The following IFI27 variants were observed in gnomAD, a reference collection of about 807,000 sequenced individuals.
IFI27 encodes the protein interferon alpha-inducible protein 27, mitochondrial.
A neutral mutation model predicts 8.9 loss-of-function variants in IFI27; 3 were observed. That is an observed-to-expected ratio of 0.34 (90% CI 0.15 to 0.87). IFI27 has a LOEUF of 0.87. IFI27 is among the 40% of genes least tolerant of loss of function. The probability of loss-of-function intolerance (pLI) is 0.51; values close to 1 mark genes in which losing one functional copy is unlikely to be tolerated. For synonymous variants in IFI27, 66 were observed against 67.3 expected, an observed-to-expected ratio of 0.98 and a Z score of 0.09; for missense variants, 152 against 157.7, an observed-to-expected ratio of 0.96 and a Z score of 0.19.
At chr14:94,112,035 AAAGG>A (rs1887213431) in intron 2 of IFI27, 1 of 574,088 alleles carries the variant, frequency 1.7e-6, no homozygotes, top group Admixed American at 3.0e-5. Flanking sequence ...GCCTAGCCGG[AAAGG>A]GTCTATCTAC....
At chr14:94,114,293 T>C (rs1191003463) in intron 2 of IFI27, 2 of 154,544 alleles carry the variant, frequency 1.3e-5, no homozygotes, top group Non-Finnish European at 2.9e-5. Context: ...GAGCTTTTTC[T>C]GGACTATAGG....
In IFI27 at chr14:94,116,145, G is replaced by T; in HGVS notation, c.283+203G>T. On this transcript the variant is annotated intron_variant, in intron 4 of 4. Transcript: ENST00000621160. This position sits in a 1 kb window ranked among gnomAD's most constrained non-coding sequence, Gnocchi z 4.3. Reference sequence around the variant, plus strand: ...GGAACAGTGCACTCAGGAAGACTCAGCCCGAAGCAGATTTGCTGGGTTACC... The same window carrying T: ...GGAACAGTGCACTCAGGAAGACTCATCCCGAAGCAGATTTGCTGGGTTACC... 1 of 754,746 alleles carries T rather than the reference G, an allele frequency of 1.3e-6. No individual in the cohort carries two copies. Among genetic ancestry groups the T allele is most frequent in the Non-Finnish European group, 2.3e-6 (1 of 433,978 alleles). 46.8% of individuals were successfully genotyped at this position (754,746 alleles called of 1,614,324 possible).
At chr14:94,114,975 C>A in intron 3 of IFI27, 95 bp downstream of exon 3, 1 of 1,156,390 alleles carries the variant, frequency 8.6e-7, no homozygotes, top group Non-Finnish European at 1.3e-6. Context: ...GTTTCCCTCA[C>A]ATGGGTGGTC....
chr14:94,116,312 G>A lies in IFI27; in HGVS notation c.284-130G>A. On this transcript the variant is annotated intron_variant, in intron 4 of 4. Coordinates refer to ENST00000621160, the Ensembl canonical transcript of IFI27. The surrounding 1 kb of genome is among the most constrained non-coding windows in gnomAD (Gnocchi z 4.3). ...CCCCGAGGGTACTGGGAAACAGAGA[G>A]GGGAACTGGGTGGGGTCTGTAAGCC... is the stretch of plus-strand genomic sequence containing the variant. 2.9e-6 allele frequency: 2 copies of A among 688,254 alleles called. No individual in the cohort carries two copies. The highest frequency in any genetic ancestry group is 5.2e-6 in the Non-Finnish European group (2 of 385,448). 42.6% of individuals were successfully genotyped at this position (688,254 alleles called of 1,614,324 possible). A position where few individuals can be genotyped will look rare whatever the true frequency, so the allele number is the denominator to read the frequency against.
chr14:94,115,400 TCTC>T, intron 3 of IFI27: 1 of 541,616 alleles, frequency 1.8e-6, no homozygotes, highest in Non-Finnish European at 3.5e-6. Context: ...TCTTACATAA[TCTC>T]CTGGGCAACA....
At chr14:94,108,377 A>G (rs1887040028), upstream of IFI27, among the ~76,000 whole-genome samples, 1 of 152,092 alleles carries the variant, frequency 6.6e-6, no homozygotes, top group Admixed American at 6.5e-5. Flanking sequence ...TTGCATTACT[A>G]TTTACTATTG....
upstream of IFI27, among the ~76,000 whole-genome samples, chr14:94,109,679 G>A (rs1025399012): frequency 7.2e-5 from 11 of 152,186 alleles, no homozygotes; most frequent in African/African-American, 2.7e-4. Context: ...CATTTCTTGT[G>A]ATAGTTCCTG....
rs1426887092 is a variant in IFI27 at position 94,111,878 on chromosome 14, G to A, written c.91+105G>A. The A allele has an allele frequency of 3.4e-6, 3 of 885,202 alleles. No individual in the cohort carries two copies. Among genetic ancestry groups the A allele is most frequent in the Non-Finnish European group, 5.7e-6 (3 of 530,330 alleles). 54.8% of individuals were successfully genotyped at this position (885,202 alleles called of 1,614,324 possible). A position where few individuals can be genotyped will look rare whatever the true frequency, so the allele number is the denominator to read the frequency against. ...GGAGAGAAAATGGGGGACACCCGCA[G>A]CCTTGCTGCCCTGTCCTGTCTTCTC... On this transcript the variant is annotated intron_variant, in intron 2 of 4. Coordinates refer to ENST00000621160, the Ensembl canonical transcript of IFI27. The surrounding 1 kb of genome is among the most constrained non-coding windows in gnomAD (Gnocchi z 4.3).
chr14:94,108,166 A>C (rs1355565914), upstream of IFI27, among the ~76,000 whole-genome samples: 2 of 151,772 alleles, frequency 1.3e-5, no homozygotes, highest in African/African-American at 4.8e-5. Flanking sequence ...AAGGACATGA[A>C]CTCATCTTTT....
At chr14:94,107,927 G>C (rs1270908636), upstream of IFI27, among the ~76,000 whole-genome samples, 1 of 152,100 alleles carries the variant, frequency 6.6e-6, no homozygotes, top group African/African-American at 2.4e-5. Flanking sequence ...TGCTACGTTG[G>C]TTTGCTGCAC....
intron 2 of IFI27, chr14:94,112,037 A>G: frequency 1.7e-6 from 1 of 572,034 alleles, no homozygotes; most frequent in Non-Finnish European, 3.1e-6. Context: ...CTAGCCGGAA[A>G]GGGTCTATCT....
upstream of IFI27, among the ~76,000 whole-genome samples, chr14:94,107,097 T>A (rs1887026182): frequency 1.3e-5 from 2 of 152,142 alleles, no homozygotes; most frequent in South Asian, 4.1e-4. Context: ...CAGATGGTGT[T>A]TCACTCTTCT....
upstream of IFI27, among the ~76,000 whole-genome samples, chr14:94,107,174 A>G (rs1434069007): frequency 6.6e-6 from 1 of 152,028 alleles, no homozygotes; most frequent in East Asian, 1.9e-4. Flanking sequence ...GGTTCAAGCA[A>G]TTCTCCTGCT....
chr14:94,116,087 G>A lies in IFI27; in HGVS notation c.283+145G>A, dbSNP rs1002632316. The A allele has an allele frequency of 1.1e-5, 11 of 959,848 alleles. No homozygotes were observed. Among genetic ancestry groups the A allele is most frequent in the Non-Finnish European group, 1.6e-5 (10 of 620,264 alleles). 59.5% of individuals were successfully genotyped at this position (959,848 alleles called of 1,614,324 possible). A position where few individuals can be genotyped will look rare whatever the true frequency, so the allele number is the denominator to read the frequency against. ...ACATTCTCTCAGGGTTTCTCTGAGG[G>A]AGATGGAGGAGGGAGGGAAGGAGCC... On this transcript the variant is annotated intron_variant, in intron 4 of 4. Transcript: ENST00000621160. This position sits in a 1 kb window ranked among gnomAD's most constrained non-coding sequence, Gnocchi z 4.3.
At chr14:94,113,604 C>T (rs1006760436) in intron 2 of IFI27, 1 of 152,212 alleles carries the variant, frequency 6.6e-6, no homozygotes, top group Non-Finnish European at 1.5e-5. Context: ...CAGGCTACTC[C>T]GCCGTATGAA....
upstream of IFI27, among the ~76,000 whole-genome samples, chr14:94,107,409 T>A (rs1421311520): frequency 6.6e-6 from 1 of 152,210 alleles, no homozygotes; most frequent in Non-Finnish European, 1.5e-5. Context: ...TTTTTTGTTG[T>A]TGAGTTGTAG....
rs987178156 is a variant in IFI27, at chr14:94,111,535, C to T, written c.-58-90C>T. ...CACAAGCTCAGAGCAGCCTCCCTAG[C>T]CCCCTGGAGCCCGTCACATTTTTCA... On this transcript the variant is annotated intron_variant, in intron 1 of 4. Coordinates refer to ENST00000621160, the Ensembl canonical transcript of IFI27. The surrounding 1 kb of genome is among the most constrained non-coding windows in gnomAD (Gnocchi z 4.3). 1.8e-5 allele frequency: 12 copies of T among 667,022 alleles called. No homozygotes were observed. The highest frequency in any genetic ancestry group is 3.0e-5 in the Non-Finnish European group (11 of 366,244). 41.3% of individuals were successfully genotyped at this position (667,022 alleles called of 1,614,324 possible). A position where few individuals can be genotyped will look rare whatever the true frequency, so the allele number is the denominator to read the frequency against.
upstream of IFI27, among the ~76,000 whole-genome samples, chr14:94,106,800 A>C (rs1207924498): frequency 6.6e-6 from 1 of 152,128 alleles, no homozygotes; most frequent in Admixed American, 6.6e-5. Flanking sequence ...CACACGGTGC[A>C]AGAGCAAGAG....
chr14:94,111,760 A>G lies in IFI27; in HGVS notation c.78A>G (p.Val26=), dbSNP rs1887196796. 2.5e-6 allele frequency: 4 copies of G among 1,613,892 alleles called. No homozygotes were observed. The highest frequency in any genetic ancestry group is 3.4e-6 in the Non-Finnish European group (4 of 1,179,834). The stretch of plus-strand genomic sequence containing the variant: ...TCAGGGTGGCCTCTGGCTCTGCCGT[A>G]GTTTTGCCCCTGGGTGAGTGTTCCT... The change falls in exon 2 of 5, where the codon GTA becomes GTG. Residue 26 remains valine (V), a synonymous_variant. Coordinates refer to ENST00000621160, the Ensembl canonical transcript of IFI27. The surrounding 1 kb of genome is among the most constrained non-coding windows in gnomAD (Gnocchi z 4.3).
Sources: allele counts gnomAD v4.1 joint callset (sites outside exome capture counted in the v4.1 genomes callset), GRCh38; gene constraint gnomAD v4.1.1; non-coding constraint Gnocchi (gnomAD v3.1); transcripts MANE v1.5; gene names NCBI Gene and HGNC (gene_info 2026-07-23, HGNC 2026-07-21).